The following SLC44A5 variants were observed in gnomAD, a reference collection of about 807,000 sequenced individuals.
SLC44A5 encodes solute carrier family 44 member 5, also known as choline transporter-like protein 5.
Under a neutral mutation model 101.8 loss-of-function variants are expected in SLC44A5, and 57 were observed. The ratio of observed to expected loss-of-function variants is 0.56; its 90% CI spans 0.45 to 0.70. The LOEUF is 0.70. SLC44A5 is among the 30% of genes least tolerant of loss of function. The pLI is 0.00. For missense variants in SLC44A5, 737 were observed against 853.1 expected (o/e 0.86, Z 1.70); for synonymous variants, 281 against 290.9 (o/e 0.97, Z 0.35).
chr1:75,303,353 A>G (rs971224983), intron 4 of SLC44A5, among the ~76,000 whole-genome samples: 2 of 152,144 alleles, frequency 1.3e-5, no homozygotes, highest in Non-Finnish European at 2.9e-5. Context: ...CTCCTGCCTC[A>G]GCCTCCCAAG....
intron 6 of SLC44A5, among the ~76,000 whole-genome samples, chr1:75,268,071 A>C (rs564538045): frequency 6.6e-6 from 1 of 152,294 alleles, no homozygotes; most frequent in African/African-American, 2.4e-5. Flanking sequence ...CAGAGTCCAT[A>C]GGACACAGAA....
At chr1:75,641,769 G>A in the SLC44A5 span, 1 of 1,576,410 alleles carries the variant, frequency 6.3e-7, no homozygotes, top group Non-Finnish European at 8.7e-7. Context: ...ACTTTGTCCA[G>A]TGGAAATCCT....
At chr1:75,414,769 G>A (rs1373563866) in intron 2 of SLC44A5, among the ~76,000 whole-genome samples, 1 of 152,126 alleles carries the variant, frequency 6.6e-6, no homozygotes, top group African/African-American at 2.4e-5. Context: ...GAGAAAGCAT[G>A]CATATTAAAG....
At chr1:75,639,554 C>A in the SLC44A5 span, among the ~76,000 whole-genome samples, 14 of 152,070 alleles carry the variant, frequency 9.2e-5, no homozygotes, top group African/African-American at 3.4e-4. Context: ...TAGAAGCATG[C>A]AGCCTAAGAA....
chr1:75,516,289 T>A (rs973481664), intron 2 of SLC44A5, among the ~76,000 whole-genome samples: 2 of 151,766 alleles, frequency 1.3e-5, no homozygotes, highest in African/African-American at 4.8e-5. Context: ...CCCAGGCGGG[T>A]GGATCACGAG....
the SLC44A5 span, among the ~76,000 whole-genome samples, chr1:75,674,628 A>G: frequency 7.3e-4 from 1 of 1,366 alleles, no homozygotes. Flanking sequence ...GATCCCCCCC[A>G]ACCTCAGCCT....
chr1:75,368,194 T>C (rs141763965), intron 3 of SLC44A5, among the ~76,000 whole-genome samples: 1 of 152,116 alleles, frequency 6.6e-6, no homozygotes, highest in Non-Finnish European at 1.5e-5. Flanking sequence ...CTCATAAATA[T>C]CACATTTTAC....
At chr1:75,534,471 A>C (rs1011351624) in intron 2 of SLC44A5, among the ~76,000 whole-genome samples, 1 of 152,206 alleles carries the variant, frequency 6.6e-6, no homozygotes, top group Admixed American at 6.5e-5. Flanking sequence ...CCTTTGACAG[A>C]GAGTTTTCAT....
rs183360769 is a variant in SLC44A5, at chr1:75,397,806, A to G, written c.14-1185T>C. Among the ~76,000 whole-genome samples, 328 of 152,280 alleles carry G rather than the reference A, an allele frequency of 2.2e-3. 1 individual carries two copies. Among genetic ancestry groups the G allele is most frequent in the Middle Eastern group, 0.01 (3 of 294 alleles). On this transcript the variant is annotated intron_variant, in intron 2 of 23. Transcript: ENST00000370859. ...GCTCCAGAGTCCATTTGTAATCAAT[A>G]TAACTACTAGCCTCCAGTAATGTCA...
rs527934788 is a variant in SLC44A5, at chr1:75,202,947, C to T, written c.*780G>A. ...TACACATTCATGAATGTCCACTAGG[C>T]GCAAGGGAAATTGTTTAGCTGCACA... On this transcript the variant is annotated 3_prime_UTR_variant, in exon 24 of 24. Coordinates refer to ENST00000370859, the MANE Select transcript of SLC44A5 (RefSeq NM_001130058.2). 2.0e-5 allele frequency: 3 copies of T among 151,944 alleles called. No individual in the cohort carries two copies. The highest frequency in any genetic ancestry group is 6.5e-5 in the Admixed American group (1 of 15,270). The allele number at this position is 151,944 out of a possible 1,614,324, so 9.4% of individuals were successfully genotyped here.
intron 1 of SLC44A5, among the ~76,000 whole-genome samples, chr1:75,573,762 T>C (rs957132500): frequency 6.6e-6 from 1 of 151,902 alleles, no homozygotes; most frequent in Non-Finnish European, 1.5e-5. Context: ...GTCACAATAA[T>C]AATTTATTTA....
At chr1:75,676,981 A>G in the SLC44A5 span, among the ~76,000 whole-genome samples, 2 of 152,262 alleles carry the variant, frequency 1.3e-5, no homozygotes, top group East Asian at 1.9e-4. Flanking sequence ...AAGTGCTGGG[A>G]AAAAAAGTTT....
intron 2 of SLC44A5, among the ~76,000 whole-genome samples, chr1:75,464,270 CAGG>C (rs897867399): frequency 4.7e-4 from 67 of 143,552 alleles, no homozygotes; most frequent in African/African-American, 1.7e-3. Context: ...AGGTAAAAAG[CAGG>C]AGGACAAAGC....
chr1:75,699,758 T>C, the SLC44A5 span, among the ~76,000 whole-genome samples: 1 of 151,972 alleles, frequency 6.6e-6, no homozygotes, highest in Non-Finnish European at 1.5e-5. Context: ...ATTCAGGAAA[T>C]CCATCTCACG....
rs1005310960 is a variant in SLC44A5, at chr1:75,537,565, A to C, written c.13+3870T>G. Among the ~76,000 whole-genome samples, 4 of 152,356 alleles carry C rather than the reference A, an allele frequency of 2.6e-5. No individual in the cohort carries two copies. In the East Asian group the frequency reaches 5.8e-4, roughly 22 times the overall value. On this transcript the variant is annotated intron_variant, in intron 2 of 23. Transcript: ENST00000370859. ...TGCATCTAAGAGAACAGGCAGAAAC[A>C]GCCTATGGCCAAGGACAACAGCAGG...
At chr1:75,252,442 T>G (rs1649656343) in intron 6 of SLC44A5, among the ~76,000 whole-genome samples, 1 of 152,218 alleles carries the variant, frequency 6.6e-6, no homozygotes, top group South Asian at 2.1e-4. Flanking sequence ...TTCCTACACC[T>G]GTCTACATAA....
rs768236505 is a variant in SLC44A5, at chr1:75,243,019, C to G, written c.346-8G>C. ...GCACTTGGAGACACAGATCTGTGAA[C>G]GAACAAAGTGATGAGAACTGAACTG... On this transcript the variant is annotated splice_polypyrimidine_tract_variant and splice_region_variant and intron_variant, in intron 7 of 23. Coordinates refer to ENST00000370859, the MANE Select transcript of SLC44A5 (RefSeq NM_001130058.2). 1.9e-6 allele frequency: 3 copies of G among 1,608,514 alleles called. No individual in the cohort carries two copies. The South Asian group carries it at 3.3e-5, about 18-fold the overall frequency.
the SLC44A5 span, among the ~76,000 whole-genome samples, chr1:75,687,847 G>A: frequency 6.6e-6 from 1 of 152,142 alleles, no homozygotes; most frequent in Non-Finnish European, 1.5e-5. Flanking sequence ...GGGCATTTGG[G>A]GAGCTCCCCT....
chr1:75,684,624 G>T, the SLC44A5 span, among the ~76,000 whole-genome samples: 4 of 152,208 alleles, frequency 2.6e-5, no homozygotes, highest in Non-Finnish European at 4.4e-5. Flanking sequence ...TTAAAGCTCT[G>T]AAATGATTTC....
Sources: gnomAD v4.1 joint callset for allele counts (sites outside exome capture counted in the v4.1 genomes callset) on GRCh38, gnomAD v4.1.1 for gene constraint, MANE v1.5 for transcripts, NCBI Gene and HGNC (gene_info 2026-07-23, HGNC 2026-07-21) for gene names.